The following PVT1 variants were observed in gnomAD, a reference collection of about 807,000 sequenced individuals.
The protein encoded by PVT1 is Pvt1 oncogene, also known as CXCR4/PVT1 fusion.
intron 3 of PVT1, among the ~76,000 whole-genome samples, chr8:127,942,005 A>G (rs1816356578): frequency 6.6e-6 from 1 of 152,112 alleles, no homozygotes; most frequent in African/African-American, 2.4e-5. Flanking sequence ...CATTTTTGTC[A>G]GGAAACGACT....
intron 3 of PVT1, chr8:127,948,602 T>C (rs981232906): frequency 6.5e-6 from 1 of 152,678 alleles, no homozygotes; most frequent in Non-Finnish European, 1.5e-5. Context: ...TACAGTTAAC[T>C]GAGCTCACGT....
chr8:128,064,452 A>T (rs918015254), intron 4 of PVT1, among the ~76,000 whole-genome samples: 4 of 152,150 alleles, frequency 2.6e-5, no homozygotes, highest in African/African-American at 9.7e-5. Flanking sequence ...TGCCTCCCCC[A>T]GCCCATTTCC....
intron 4 of PVT1, among the ~76,000 whole-genome samples, chr8:127,999,607 G>A (rs1474344709): frequency 1.3e-5 from 2 of 152,044 alleles, no homozygotes; most frequent in Non-Finnish European, 1.5e-5. Flanking sequence ...GATTACAGGT[G>A]CACACCACCA....
intron 2 of PVT1, among the ~76,000 whole-genome samples, chr8:127,819,780 T>C (rs999103463): frequency 1.3e-5 from 2 of 152,194 alleles, no homozygotes; most frequent in Non-Finnish European, 2.9e-5. Context: ...CTACTTTGCA[T>C]TTTCCTGGAA....
intron 2 of PVT1, among the ~76,000 whole-genome samples, chr8:127,807,414 G>A (rs1004268063): frequency 6.6e-6 from 1 of 152,182 alleles, no homozygotes; most frequent in East Asian, 1.9e-4. Flanking sequence ...GCTCACTGCA[G>A]CCTCTACTTT....
intron 2 of PVT1, among the ~76,000 whole-genome samples, chr8:127,800,227 C>T (rs1814448061): frequency 6.6e-6 from 1 of 152,102 alleles, no homozygotes. Flanking sequence ...TTAGCCCTAA[C>T]ATTGACTACT....
chr8:127,953,647 A>G (rs1158023506), intron 3 of PVT1, among the ~76,000 whole-genome samples: 1 of 152,208 alleles, frequency 6.6e-6, no homozygotes, highest in Non-Finnish European at 1.5e-5. Context: ...TACAGATAAA[A>G]AAGCTGAGAC....
At chr8:127,834,552 A>G (rs1814887992) in intron 2 of PVT1, among the ~76,000 whole-genome samples, 2 of 152,226 alleles carry the variant, frequency 1.3e-5, no homozygotes. Context: ...ATGGCAACAA[A>G]AGCCAGAATT....
At chr8:127,865,014 A>C (rs540537930) in intron 2 of PVT1, among the ~76,000 whole-genome samples, 3 of 152,282 alleles carry the variant, frequency 2.0e-5, no homozygotes, top group African/African-American at 7.2e-5. Flanking sequence ...CTTGGGATTC[A>C]TATGGGGCTG....
chr8:128,048,445 T>C (rs1188132985), intron 4 of PVT1: 2 of 152,236 alleles, frequency 1.3e-5, no homozygotes, highest in Admixed American at 6.5e-5. Flanking sequence ...CATTATCCTT[T>C]AGGCTACAGA....
At chr8:127,914,629 T>C (rs373750502) in intron 3 of PVT1, among the ~76,000 whole-genome samples, 2 of 152,174 alleles carry the variant, frequency 1.3e-5, no homozygotes, top group East Asian at 1.9e-4. Flanking sequence ...TGATACATGT[T>C]ACAACATGGA....
chr8:127,889,558 G>GT (rs1214883187), intron 2 of PVT1, among the ~76,000 whole-genome samples: 2 of 151,510 alleles, frequency 1.3e-5, no homozygotes, highest in African/African-American at 4.9e-5. Context: ...ACAACTCATA[G>GT]TTTTTTGTGA....
chr8:127,952,913 C>T (rs531942983), intron 3 of PVT1, among the ~76,000 whole-genome samples: 5 of 152,272 alleles, frequency 3.3e-5, no homozygotes, highest in East Asian at 3.9e-4. Context: ...TACAGGCGCC[C>T]GCCACCACGC....
chr8:128,032,047 T>C (rs538983883), intron 4 of PVT1, among the ~76,000 whole-genome samples: 1 of 152,332 alleles, frequency 6.6e-6, no homozygotes, highest in African/African-American at 2.4e-5. Context: ...CATGTAGCAA[T>C]CTGCTTCTTG....
chr8:127,864,012 A>C (rs867720283), intron 2 of PVT1, among the ~76,000 whole-genome samples: 2 of 152,216 alleles, frequency 1.3e-5, no homozygotes, highest in African/African-American at 2.4e-5. Context: ...ACCGGCTTCC[A>C]GGTGATTGGC....
At chr8:128,041,598 G>A (rs1813545420) in intron 4 of PVT1, among the ~76,000 whole-genome samples, 1 of 126,312 alleles carries the variant, frequency 7.9e-6, no homozygotes, top group Admixed American at 8.9e-5. Flanking sequence ...TTGCGTGTGT[G>A]TACATGTGTT....
intron 2 of PVT1, among the ~76,000 whole-genome samples, chr8:127,811,637 T>A (rs1835771853): frequency 1.3e-5 from 2 of 152,274 alleles, no homozygotes; most frequent in Non-Finnish European, 2.9e-5. Context: ...ATAGTCTGTA[T>A]GTGCCTGGAA....
intron 4 of PVT1, among the ~76,000 whole-genome samples, chr8:128,001,123 C>G (rs769683491): frequency 1.3e-4 from 20 of 152,208 alleles, no homozygotes; most frequent in Non-Finnish European, 2.1e-4. Context: ...CACTGCCCCC[C>G]ACCCCACCGC....
At chr8:128,000,712 C>T (rs923744464) in intron 4 of PVT1, among the ~76,000 whole-genome samples, 17 of 152,200 alleles carry the variant, frequency 1.1e-4, no homozygotes, top group African/African-American at 4.1e-4. Context: ...TGTCCCATAA[C>T]AATAGTTGAT....
Sources: gnomAD v4.1 joint callset for allele counts (sites outside exome capture counted in the v4.1 genomes callset) on GRCh38, gnomAD v4.1.1 for gene constraint, MANE v1.5 for transcripts, NCBI Gene and HGNC (gene_info 2026-07-23, HGNC 2026-07-21) for gene names.